SAA1: variants seen among roughly 807,000 people sequenced by gnomAD.
The protein encoded by SAA1 is serum amyloid A-1 protein.
SAA1 carries 4 observed loss-of-function variants against 9.8 expected under a neutral mutation model. That is an observed-to-expected ratio of 0.41 (90% confidence interval 0.20 to 0.93). The LOEUF (loss-of-function observed/expected upper bound fraction) is 0.93. SAA1 is among the 40% of genes least tolerant of loss of function. SAA1 has a pLI of 0.33. For missense variants in SAA1, 114 were observed against 155.5 expected, an observed-to-expected ratio of 0.73 and a Z score of 1.42; for synonymous variants, 47 against 57.7, an observed-to-expected ratio of 0.82 and a Z score of 0.84.
At position 18,268,831 on chromosome 11, in the gene SAA1, TAAAAAAAAAAAAAAAAAA is replaced by T. The variant is rs371021832; in HGVS notation, c.92-349_92-332del. ...CTGGGCGACAGAGCAAGACTCTGTC[TAAAAAAAAAAAAAAAAAA>T]AAAAAAAAAAAAAAGAATATAAACT... On this transcript the variant is annotated intron_variant, in intron 2 of 3. Coordinates refer to ENST00000356524, the MANE Select transcript of SAA1 (RefSeq NM_199161.5). Among the ~76,000 whole-genome samples, 30 of 110,626 alleles carry T rather than the reference TAAAAAAAAAAAAAAAAAA, an allele frequency of 2.7e-4. No individual in the cohort carries two copies. In the East Asian group the frequency reaches 2.9e-3, roughly 11 times the overall value. The allele number at this position is 110,626 out of a possible 152,430, so 72.6% of individuals were successfully genotyped here.
In SAA1 at chr11:18,269,729, G is replaced by C. The variant is rs368358385; in HGVS notation, c.243G>C (p.Glu81Asp). 1.9e-6 allele frequency: 3 copies of C among 1,613,916 alleles called. No individual in the cohort carries two copies. Among genetic ancestry groups the C allele is most frequent in the Non-Finnish European group, 1.7e-6 (2 of 1,179,894 alleles). The change falls in exon 4 of 4, where the codon GAG becomes GAC. Residue 81 changes from glutamate (E) to aspartate (D), a missense_variant. Physicochemically the swap from Glu to Asp is conservative, Grantham distance 45 (BLOSUM62 2). Transcript: ENST00000356524. ...GCCTTGATTACAGCGATGCCAGAGA[G>C]AATATCCAGAGATTCTTTGGCCATG... is the stretch of plus-strand genomic sequence containing the variant. ...WAAEVITDARENIQRFFGHGA... is the reference protein window; with the variant it reads ...WAAEVITDARDNIQRFFGHGA...
Position 18,269,316 on chromosome 11 carries a change from G to T in SAA1, c.213G>T (p.Trp71Cys). The T allele has an allele frequency of 6.6e-7, 1 of 1,510,028 alleles. No homozygotes were observed. The highest frequency in any genetic ancestry group is 8.9e-7 in the Non-Finnish European group (1 of 1,129,676). 93.5% of individuals were successfully genotyped at this position (1,510,028 alleles called of 1,614,324 possible). ...CCAAAAGGGGACCTGGGGGTGCCTG[G>T]GCTGCAGAAGTGATCACGTAACTGG... ...DAAKRGPGGA[W>C]AAEVITDARE... Residue 71 changes from tryptophan (W) to cysteine (C), a missense_variant, in exon 3 of 4, where the codon TGG (tryptophan) becomes TGT (cysteine). Trp to Cys is a radical substitution (Grantham distance 215, BLOSUM62 -2). Around this residue, in one of 2 missense-constraint regions of SAA1, gnomAD observed 46 missense variants for 100.8 expected, o/e 0.46. Transcript: ENST00000356524.
intron 2 of SAA1, among the ~76,000 whole-genome samples, chr11:18,268,555 G>A (rs146435146): frequency 6.6e-6 from 1 of 152,166 alleles, no homozygotes; most frequent in African/African-American, 2.4e-5. Context: ...ACTTTAGGTC[G>A]GGGTGCGGTG....
chr11:18,267,801 G>A (rs1253046261), intron 2 of SAA1, among the ~76,000 whole-genome samples: 1 of 109,794 alleles, frequency 9.1e-6, no homozygotes, highest in African/African-American at 3.3e-5. Context: ...GCTGATCTTG[G>A]AAGGTGAGAA....
intron 2 of SAA1, among the ~76,000 whole-genome samples, chr11:18,268,773 C>T (rs111946281): frequency 0.069 from 9,829 of 141,876 alleles, 408 homozygotes; most frequent in Middle Eastern, 0.12. Flanking sequence ...GTGGAGGTTG[C>T]GATGAGCTGA....
At position 18,267,486 on chromosome 11, in the gene SAA1, C is replaced by T. The variant is rs183737023; in HGVS notation, c.91+508C>T. Among the ~76,000 whole-genome samples, 414 of 116,154 alleles carry T rather than the reference C, an allele frequency of 3.6e-3. 29 individuals are homozygous for T. Among genetic ancestry groups the T allele is most frequent in the African/African-American group, 0.013 (393 of 31,282 alleles). The allele number at this position is 116,154 out of a possible 152,430, so 76.2% of individuals were successfully genotyped here. On this transcript the variant is annotated intron_variant, in intron 2 of 3. Transcript: ENST00000356524. The stretch of plus-strand genomic sequence containing the variant: ...TTGCGTAGAAGATGCAAAATAAGGC[C>T]TGCAATGGGTATAAAATGTCCCTCA...
At position 18,269,721 on chromosome 11, in the gene SAA1, G is replaced by T. The variant is rs1858161865; in HGVS notation, c.235G>T (p.Ala79Ser). ...TCTTGCCTGCCTTGATTACAGCGAT[G>T]CCAGAGAGAATATCCAGAGATTCTT... ...GAWAAEVITD[A>S]RENIQRFFGH... Residue 79 changes from alanine (A) to serine (S), a missense_variant, in exon 4 of 4, where the codon GCC (alanine) becomes TCC (serine). Physicochemically the swap from Ala to Ser is moderately conservative, Grantham distance 99 (BLOSUM62 1). Transcript: ENST00000356524. The T allele has an allele frequency of 1.2e-6, 2 of 1,613,852 alleles. No homozygotes were observed. The highest frequency in any genetic ancestry group is 1.3e-5 in the African/African-American group (1 of 74,914).
At chr11:18,268,356 A>C (rs577373134) in intron 2 of SAA1, among the ~76,000 whole-genome samples, 1 of 152,128 alleles carries the variant, frequency 6.6e-6, no homozygotes, top group East Asian at 1.9e-4. Context: ...TGGGTGACAG[A>C]GCGAGACTCC....
intron 2 of SAA1, among the ~76,000 whole-genome samples, chr11:18,268,459 T>C (rs1371490090): frequency 2.6e-5 from 4 of 152,220 alleles, no homozygotes; most frequent in Non-Finnish European, 4.4e-5. Flanking sequence ...TACAGCCTAC[T>C]AAGAAAGTAT....
intron 2 of SAA1, 48 bp from the exon 3 acceptor site, chr11:18,269,147 G>A (rs1858131699): frequency 5.6e-6 from 9 of 1,603,164 alleles, no homozygotes; most frequent in Non-Finnish European, 7.6e-6. Flanking sequence ...TGTTGTTGGA[G>A]TCTTTATGTT....
rs527826363 is a variant in SAA1 at position 18,268,484 on chromosome 11, G to A, written c.92-711G>A. Among the ~76,000 whole-genome samples the A allele has an allele frequency of 2.0e-4, 31 of 152,318 alleles. 1 individual carries two copies. The highest frequency in any genetic ancestry group is 9.2e-4 in the Admixed American group (14 of 15,296). On this transcript the variant is annotated intron_variant, in intron 2 of 3. Transcript: ENST00000356524. The stretch of plus-strand genomic sequence containing the variant: ...TAAGAAAGTATTTAGGGACTTTTAT[G>A]CTCCTAACAGTCACTGGAACTCACG...
chr11:18,268,597 G>C (rs1328605170), intron 2 of SAA1, among the ~76,000 whole-genome samples: 2 of 152,126 alleles, frequency 1.3e-5, no homozygotes, highest in Non-Finnish European at 2.9e-5. Context: ...ACTTTGGGAG[G>C]CCAAGGCAGG....
Position 18,269,594 on chromosome 11 carries a change from C to T in SAA1, c.231-123C>T, listed in dbSNP as rs200970628. 5.6e-5 allele frequency: 81 copies of T among 1,450,820 alleles called. 1 individual carries two copies. The East Asian group carries it at 1.3e-3, about 24-fold the overall frequency. The allele number at this position is 1,450,820 out of a possible 1,614,324, so 89.9% of individuals were successfully genotyped here. A position where few individuals can be genotyped will look rare whatever the true frequency, so the allele number is the denominator to read the frequency against. On this transcript the variant is annotated intron_variant, in intron 3 of 3. Coordinates refer to ENST00000356524, the MANE Select transcript of SAA1 (RefSeq NM_199161.5). ...ATGGGGTGGTGCCCAGTGTTTTCAT[C>T]CCTCCTTCCTTGGCCTTTCTGGGCT...
Position 18,269,779 on chromosome 11 carries a change from A to G in SAA1, c.293A>G (p.Gln98Arg). 6.2e-7 allele frequency: 1 copy of G among 1,614,142 alleles called. No individual in the cohort carries two copies. The highest frequency in any genetic ancestry group is 8.5e-7 in the Non-Finnish European group (1 of 1,179,976). ...GGTGCGGAGGACTCGCTGGCTGATC[A>G]GGCTGCCAATGAATGGGGCAGGAGT... ...GHGAEDSLAD[Q>R]AANEWGRSGK... is the part of the protein sequence containing the mutation. Residue 98 changes from glutamine to arginine, a missense_variant, in exon 4 of 4, where the codon CAG (glutamine) becomes CGG (arginine). Physicochemically the swap from Gln to Arg is conservative, Grantham distance 43 (BLOSUM62 1). Coordinates refer to ENST00000356524, the MANE Select transcript of SAA1 (RefSeq NM_199161.5).
chr11:18,268,608 G>GAC (rs1858106255), intron 2 of SAA1, among the ~76,000 whole-genome samples: 1 of 151,942 alleles, frequency 6.6e-6, no homozygotes, highest in African/African-American at 2.4e-5. Context: ...CCAAGGCAGG[G>GAC]GGATCACGAG....
At chr11:18,269,693 C>A (rs1858160808) in intron 3 of SAA1, 24 bp from the exon 4 acceptor site, 2 of 1,613,466 alleles carry the variant, frequency 1.2e-6, no homozygotes, top group Non-Finnish European at 1.7e-6. Context: ...TTATTAATCT[C>A]CTTCTTGCCT....
intron 2 of SAA1, among the ~76,000 whole-genome samples, chr11:18,268,309 T>C (rs1353878126): frequency 1.3e-5 from 2 of 150,506 alleles, no homozygotes; most frequent in Admixed American, 6.6e-5. Flanking sequence ...GAAGCAGAGG[T>C]TGCAGTGACT....
At chr11:18,268,616 G>A (rs1345085567) in intron 2 of SAA1, among the ~76,000 whole-genome samples, 3 of 152,014 alleles carry the variant, frequency 2.0e-5, no homozygotes, top group East Asian at 3.9e-4. Context: ...GGGGGATCAC[G>A]AGGTCAGGAG....
At position 18,269,923 on chromosome 11, in the gene SAA1, G is replaced by C; in HGVS notation, c.*68G>C. The C allele has an allele frequency of 6.3e-7, 1 of 1,598,638 alleles. No homozygotes were observed. Among genetic ancestry groups the C allele is most frequent in the Non-Finnish European group, 8.5e-7 (1 of 1,172,186 alleles). On this transcript the variant is annotated 3_prime_UTR_variant, in exon 4 of 4. Coordinates refer to ENST00000356524, the MANE Select transcript of SAA1 (RefSeq NM_199161.5). ...CCTCAGGGCAGGGATACAAAGCGGGGAGAGGGTACACAATGGGTATCTAAT... is the reference window on the plus strand; with the variant it reads ...CCTCAGGGCAGGGATACAAAGCGGGCAGAGGGTACACAATGGGTATCTAAT...
Sources: gnomAD v4.1 joint callset for allele counts (sites outside exome capture counted in the v4.1 genomes callset) on GRCh38, gnomAD v4.1.1 for gene constraint, gnomAD v4.1.1 regional missense constraint, MANE v1.5 for transcripts, NCBI Gene and HGNC (gene_info 2026-07-23, HGNC 2026-07-21) for gene names.